The following IQCJ variants were observed in gnomAD, a reference collection of about 807,000 sequenced individuals.
The protein encoded by IQCJ is IQ motif containing J.
In IQCJ, 9 loss-of-function variants were observed where a neutral mutation model predicts 11.0. That is an observed-to-expected ratio of 0.82 (90% CI 0.49 to 1.43). The LOEUF is 1.43. Among genes scored for constraint, IQCJ ranks in the 40% most tolerant of loss-of-function variants. IQCJ has a pLI of 0.00. For synonymous variants in IQCJ, 55 were observed against 51.3 expected (o/e 1.07, Z -0.31); for missense variants, 146 against 133.2 (o/e 1.10, Z -0.47).
chr3:159,210,676 A>G (rs1724903700), intron 1 of IQCJ, among the ~76,000 whole-genome samples: 1 of 152,088 alleles, frequency 6.6e-6, no homozygotes, highest in African/African-American at 2.4e-5. Flanking sequence ...GTGATTGATC[A>G]CTTTTTTCTT....
rs1723062776 is a variant in IQCJ at position 159,181,044 on chromosome 3, A to G, written c.10-64799A>G. ...TTCCCTTCATAGCTAAGTATCTTCAAGAGTAGCTGCTACTTTCTCAACTTC... is the reference window on the plus strand; with the variant it reads ...TTCCCTTCATAGCTAAGTATCTTCAGGAGTAGCTGCTACTTTCTCAACTTC... On this transcript the variant is annotated intron_variant, in intron 1 of 3. Transcript: ENST00000397832. 1.3e-5 allele frequency among the ~76,000 whole-genome samples: 2 copies of G among 151,880 alleles called. 1 individual carries two copies.
chr3:159,142,778 G>C (rs896296946), intron 1 of IQCJ, among the ~76,000 whole-genome samples: 5 of 151,940 alleles, frequency 3.3e-5, no homozygotes, highest in Admixed American at 3.3e-4. Context: ...CCAAATTATG[G>C]CCCAAAATAC....
At chr3:159,120,267 A>G (rs752509393) in intron 1 of IQCJ, among the ~76,000 whole-genome samples, 1 of 152,186 alleles carries the variant, frequency 6.6e-6, no homozygotes, top group Non-Finnish European at 1.5e-5. Context: ...TGCTTGCTTA[A>G]CATACTAAAC....
At chr3:159,211,455 C>A (rs1724945068) in intron 1 of IQCJ, among the ~76,000 whole-genome samples, 1 of 152,214 alleles carries the variant, frequency 6.6e-6, no homozygotes. Flanking sequence ...AATAAAACTT[C>A]TTTTCCCTCT....
At chr3:159,156,123 A>G (rs1721506901) in intron 1 of IQCJ, among the ~76,000 whole-genome samples, 1 of 152,236 alleles carries the variant, frequency 6.6e-6, no homozygotes, top group Non-Finnish European at 1.5e-5. Context: ...ATAGCCTCCC[A>G]ATTTTATCTA....
rs568670599 is a variant in IQCJ at position 159,253,797 on chromosome 3, C to T, written c.155+990C>T. Among the ~76,000 whole-genome samples, 17 of 152,312 alleles carry T rather than the reference C, an allele frequency of 1.1e-4. No individual in the cohort carries two copies. In the South Asian group the frequency reaches 1.7e-3, roughly 15 times the overall value. On this transcript the variant is annotated intron_variant, in intron 3 of 3. Transcript: ENST00000397832. Reference sequence around the variant, plus strand: ...GAAGGGCACCTTGAGGTGTGTACAACGTTGAACAACACCAAGTTGTTGCTG... The same window carrying T: ...GAAGGGCACCTTGAGGTGTGTACAATGTTGAACAACACCAAGTTGTTGCTG...
chr3:159,225,012 C>T (rs540909937), intron 1 of IQCJ, among the ~76,000 whole-genome samples: 186 of 152,188 alleles, frequency 1.2e-3, no homozygotes, highest in African/African-American at 4.4e-3. Context: ...ACATATAACC[C>T]ATAAAATTTG....
At chr3:159,264,545 C>T (rs543439716), downstream of IQCJ, among the ~76,000 whole-genome samples, 4 of 152,294 alleles carry the variant, frequency 2.6e-5, no homozygotes, top group Non-Finnish European at 5.9e-5. Flanking sequence ...TGTAGCCCCA[C>T]CATATCATCA....
chr3:159,076,516 A>G (rs1327546362), intron 1 of IQCJ, among the ~76,000 whole-genome samples: 1 of 152,094 alleles, frequency 6.6e-6, no homozygotes, highest in African/African-American at 2.4e-5. Flanking sequence ...TATCTGTAAA[A>G]TGAATATTAT....
chr3:159,104,549 C>T (rs573124685), intron 1 of IQCJ, among the ~76,000 whole-genome samples: 2 of 152,186 alleles, frequency 1.3e-5, no homozygotes, highest in Non-Finnish European at 2.9e-5. Context: ...ATTACTTCTA[C>T]TACTGCATAG....
At chr3:159,081,250 G>A (rs763978451) in intron 1 of IQCJ, among the ~76,000 whole-genome samples, 4 of 152,038 alleles carry the variant, frequency 2.6e-5, no homozygotes, top group African/African-American at 7.2e-5. Context: ...TCACACATCC[G>A]TTTTCTTTTG....
intron 3 of IQCJ, among the ~76,000 whole-genome samples, chr3:159,258,109 T>C (rs760962041): frequency 4.0e-4 from 61 of 152,348 alleles, no homozygotes; most frequent in Middle Eastern, 3.4e-3. Context: ...ATCAGGCATC[T>C]GTCTTTCTTC....
At chr3:159,172,195 G>A (rs888500851) in intron 1 of IQCJ, among the ~76,000 whole-genome samples, 5 of 152,234 alleles carry the variant, frequency 3.3e-5, no homozygotes, top group African/African-American at 9.6e-5. Context: ...AGCTTAAAAT[G>A]TCCGTAAGTA....
chr3:159,216,046 AAG>A (rs1354047546), intron 1 of IQCJ, among the ~76,000 whole-genome samples: 4 of 135,270 alleles, frequency 3.0e-5, no homozygotes, highest in African/African-American at 1.2e-4. Flanking sequence ...CCTTCCCTTG[AAG>A]AGGGAAAAGT....
intron 1 of IQCJ, among the ~76,000 whole-genome samples, chr3:159,164,533 C>G (rs1449242405): frequency 6.6e-6 from 1 of 152,160 alleles, no homozygotes; most frequent in Non-Finnish European, 1.5e-5. Flanking sequence ...TTTGTAAGGC[C>G]AAGGTGGGCG....
intron 1 of IQCJ, among the ~76,000 whole-genome samples, chr3:159,214,627 A>G (rs2595257): frequency 0.79 from 119,451 of 152,070 alleles, 47,166 homozygotes; most frequent in Middle Eastern, 0.83. Context: ...CCACCCATTC[A>G]CATATGTTCT....
chr3:159,259,692 G>GTGTTTCTATGTGTTCTGTTCC (rs1244611689), intron 3 of IQCJ, among the ~76,000 whole-genome samples: 1 of 152,152 alleles, frequency 6.6e-6, no homozygotes, highest in Non-Finnish European at 1.5e-5. Context: ...ACTTTTCTAT[G>GTGTTTCTATGTGTTCTGTTCC]ATACAGAGAA....
At chr3:159,206,843 ATAAAG>A (rs1258395130) in intron 1 of IQCJ, among the ~76,000 whole-genome samples, 1 of 152,228 alleles carries the variant, frequency 6.6e-6, no homozygotes, top group Non-Finnish European at 1.5e-5. Flanking sequence ...TTAATCACAT[ATAAAG>A]TAAAGGAGAT....
chr3:159,109,381 C>T (rs190058914), intron 1 of IQCJ, among the ~76,000 whole-genome samples: 356 of 152,108 alleles, frequency 2.3e-3, no homozygotes, highest in Non-Finnish European at 3.8e-3. Flanking sequence ...CTTAAGGAGC[C>T]TTAAGTTAAT....
Sources: gnomAD v4.1 joint callset for allele counts (sites outside exome capture counted in the v4.1 genomes callset) on GRCh38, gnomAD v4.1.1 for gene constraint, MANE v1.5 for transcripts, NCBI Gene and HGNC (gene_info 2026-07-23, HGNC 2026-07-21) for gene names.